MAF: variants seen among roughly 807,000 people sequenced by gnomAD.
MAF encodes the protein transcription factor Maf.
MAF carries 10 observed loss-of-function variants against 22.0 expected under a neutral mutation model. The ratio of observed to expected loss-of-function variants is 0.45; its 90% CI spans 0.28 to 0.77. The LOEUF (loss-of-function observed/expected upper bound fraction) is 0.77, where lower values mean the gene tolerates loss of function less well. MAF is among the 30% of genes least tolerant of loss of function. The probability of loss-of-function intolerance (pLI) is 0.12; values close to 1 mark genes in which losing one functional copy is unlikely to be tolerated. For missense variants in MAF, 544 were observed against 548.4 expected (o/e 0.99, Z 0.08); for synonymous variants, 337 against 255.8 (o/e 1.32, Z -3.03).
the MAF span, among the ~76,000 whole-genome samples, chr16:79,575,491 G>A: frequency 3.3e-5 from 5 of 152,166 alleles, no homozygotes; most frequent in South Asian, 2.1e-4. Flanking sequence ...TGACCAAGAG[G>A]AGCCAATCAG....
chr16:79,564,820 G>A, the MAF span, among the ~76,000 whole-genome samples: 2 of 152,180 alleles, frequency 1.3e-5, no homozygotes, highest in East Asian at 3.9e-4. Context: ...ATTGACAGAG[G>A]GATGGACGCC....
At chr16:79,269,234 A>G in the MAF span, among the ~76,000 whole-genome samples, 1 of 152,160 alleles carries the variant, frequency 6.6e-6, no homozygotes, top group Non-Finnish European at 1.5e-5. Context: ...GGGGCTGTTT[A>G]GCAAAGGAGT....
chr16:79,533,046 A>C, the MAF span, among the ~76,000 whole-genome samples: 92 of 152,212 alleles, frequency 6.0e-4, no homozygotes, highest in African/African-American at 2.0e-3. Flanking sequence ...TAATACAGGA[A>C]TGCCCTTCGG....
the MAF span, among the ~76,000 whole-genome samples, chr16:79,444,676 T>C: frequency 6.6e-6 from 1 of 152,152 alleles, no homozygotes; most frequent in African/African-American, 2.4e-5. Flanking sequence ...AGAGGCCTCG[T>C]CCCTTGGACA....
the MAF span, among the ~76,000 whole-genome samples, chr16:79,249,895 A>G: frequency 1.3e-5 from 2 of 152,170 alleles, no homozygotes; most frequent in African/African-American, 4.8e-5. Flanking sequence ...TGCTCACTGC[A>G]CGTAGCCCAG....
the MAF span, among the ~76,000 whole-genome samples, chr16:79,532,317 G>A: frequency 3.9e-5 from 6 of 152,210 alleles, no homozygotes; most frequent in Admixed American, 1.3e-4. Context: ...AGCATCATCC[G>A]TAGCCACTGG....
chr16:79,358,081 G>A, the MAF span, among the ~76,000 whole-genome samples: 1 of 152,350 alleles, frequency 6.6e-6, no homozygotes, highest in African/African-American at 2.4e-5. Flanking sequence ...CAAAGCAGCT[G>A]TTCCCAGGCA....
At chr16:79,397,919 T>A in the MAF span, among the ~76,000 whole-genome samples, 2 of 152,330 alleles carry the variant, frequency 1.3e-5, no homozygotes, top group African/African-American at 4.8e-5. Context: ...GAAAGATGTA[T>A]CATTTTTCTA....
the MAF span, chr16:79,211,673 G>A: frequency 2.5e-6 from 4 of 1,614,122 alleles, no homozygotes; most frequent in African/African-American, 4.0e-5. Flanking sequence ...TGGGAGGGAT[G>A]TACTTCAACA....
chr16:79,446,987 G>C, the MAF span, among the ~76,000 whole-genome samples: 9,255 of 152,166 alleles, frequency 0.061, 430 homozygotes, highest in African/African-American at 0.13. Context: ...GGTTTCACAA[G>C]AGTTTTTGGT....
chr16:79,398,087 G>A, the MAF span, among the ~76,000 whole-genome samples: 1 of 152,194 alleles, frequency 6.6e-6, no homozygotes, highest in South Asian at 2.1e-4. Context: ...GGTGGGGAAT[G>A]TGCTTCCCTG....
At chr16:79,365,870 C>A in the MAF span, among the ~76,000 whole-genome samples, 2 of 152,162 alleles carry the variant, frequency 1.3e-5, no homozygotes, top group East Asian at 3.9e-4. Context: ...AATGTGTTTC[C>A]GGAAAACATG....
At chr16:79,567,328 A>C in the MAF span, among the ~76,000 whole-genome samples, 1 of 152,166 alleles carries the variant, frequency 6.6e-6, no homozygotes, top group Non-Finnish European at 1.5e-5. Context: ...CAGAAAAAAA[A>C]AAATGCAAAT....
the MAF span, among the ~76,000 whole-genome samples, chr16:79,285,487 C>G: frequency 6.6e-6 from 1 of 152,128 alleles, no homozygotes; most frequent in South Asian, 2.1e-4. Flanking sequence ...ACACCTACAT[C>G]AGAGTCCCCT....
the MAF span, among the ~76,000 whole-genome samples, chr16:79,230,527 T>C: frequency 6.6e-6 from 1 of 152,132 alleles, no homozygotes; most frequent in Non-Finnish European, 1.5e-5. Context: ...GAAAACCATG[T>C]AGTACAAAGG....
the MAF span, among the ~76,000 whole-genome samples, chr16:79,508,471 A>G: frequency 1.3e-5 from 2 of 151,112 alleles, no homozygotes; most frequent in Non-Finnish European, 3.0e-5. Flanking sequence ...GAGTGTAGCA[A>G]CTCCTGCTGT....
At chr16:79,220,606 C>T in the MAF span, among the ~76,000 whole-genome samples, 2 of 152,110 alleles carry the variant, frequency 1.3e-5, no homozygotes, top group Admixed American at 1.3e-4. Context: ...CCCTTTACCA[C>T]CACCATGTTT....
At chr16:79,459,798 A>C in the MAF span, among the ~76,000 whole-genome samples, 1 of 152,118 alleles carries the variant, frequency 6.6e-6, no homozygotes, top group Non-Finnish European at 1.5e-5. Flanking sequence ...TCCTGGACTC[A>C]AGTGATCTGC....
chr16:79,436,105 C>G, the MAF span, among the ~76,000 whole-genome samples: 30 of 152,196 alleles, frequency 2.0e-4, no homozygotes, highest in Non-Finnish European at 3.5e-4. Context: ...TTATTTGAAA[C>G]AGAGTCTAGC....
Sources: allele counts gnomAD v4.1 joint callset (sites outside exome capture counted in the v4.1 genomes callset), GRCh38; gene constraint gnomAD v4.1.1; transcripts MANE v1.5; gene names NCBI Gene and HGNC (gene_info 2026-07-23, HGNC 2026-07-21).